The following CNTNAP5 variants were observed in gnomAD, a reference collection of about 807,000 sequenced individuals.
The protein encoded by CNTNAP5 is contactin associated protein family member 5.
A neutral mutation model predicts 150.2 loss-of-function variants in CNTNAP5; 72 were observed. That is an observed-to-expected ratio of 0.48 (90% CI 0.40 to 0.58). The LOEUF (loss-of-function observed/expected upper bound fraction) is 0.58. Among genes scored for constraint, CNTNAP5 ranks in the 20% least tolerant of loss-of-function variants. CNTNAP5 has a pLI of 0.00. For missense variants in CNTNAP5, 1,636 were observed against 1,626.2 expected, an observed-to-expected ratio of 1.01 and a Z score of -0.10; for synonymous variants, 672 against 619.8, an observed-to-expected ratio of 1.08 and a Z score of -1.25.
At chr2:124,070,365 C>T (rs532156368) in intron 1 of CNTNAP5, among the ~76,000 whole-genome samples, 3 of 125,474 alleles carry the variant, frequency 2.4e-5, no homozygotes, top group East Asian at 2.4e-4. Context: ...ACTAAACTCT[C>T]CAATAAAGAG....
chr2:124,909,420 T>C (rs1199857445), intron 22 of CNTNAP5, among the ~76,000 whole-genome samples: 1 of 152,162 alleles, frequency 6.6e-6, no homozygotes, highest in Non-Finnish European at 1.5e-5. Context: ...GAGCACACTC[T>C]ATGATTTCCA....
chr2:124,820,035 A>T (rs182825680), intron 19 of CNTNAP5, among the ~76,000 whole-genome samples: 2 of 152,264 alleles, frequency 1.3e-5, no homozygotes, highest in East Asian at 3.9e-4. Context: ...AAGGGAGAAG[A>T]TTCTCTCCCT....
chr2:124,732,127 G>C (rs905957852), intron 13 of CNTNAP5, among the ~76,000 whole-genome samples: 1 of 152,026 alleles, frequency 6.6e-6, no homozygotes, highest in Admixed American at 6.6e-5. Flanking sequence ...GCTTTTTTGA[G>C]TGCACTGCTG....
intron 21 of CNTNAP5, among the ~76,000 whole-genome samples, chr2:124,871,281 C>CTTACTTATTTATTTATTTATTTATTTAT (rs1462116273): frequency 1.3e-5 from 2 of 151,194 alleles, no homozygotes; most frequent in African/African-American, 4.9e-5. Context: ...TATTTACTTA[C>CTTACTTATTTATTTATTTATTTATTTAT]TTATTTATTT....
chr2:124,771,609 G>A (rs987728253), intron 16 of CNTNAP5, among the ~76,000 whole-genome samples: 3 of 152,078 alleles, frequency 2.0e-5, no homozygotes, highest in Non-Finnish European at 4.4e-5. Flanking sequence ...CTGGCATAGA[G>A]TTTGTTGTTC....
At chr2:124,536,625 C>T (rs1473347945) in intron 10 of CNTNAP5, among the ~76,000 whole-genome samples, 4 of 152,208 alleles carry the variant, frequency 2.6e-5, no homozygotes, top group African/African-American at 9.6e-5. Flanking sequence ...TTTCTGATTC[C>T]TCAGTATATA....
chr2:124,469,736 C>T (rs992787919), intron 6 of CNTNAP5, among the ~76,000 whole-genome samples: 1 of 152,100 alleles, frequency 6.6e-6, no homozygotes, highest in Non-Finnish European at 1.5e-5. Context: ...TCCTCCCAAC[C>T]TTCCACAGGC....
chr2:124,292,201 C>T (rs1242429486), intron 3 of CNTNAP5, among the ~76,000 whole-genome samples: 4 of 151,482 alleles, frequency 2.6e-5, no homozygotes, highest in Admixed American at 2.6e-4. Context: ...TTTTTTATTC[C>T]CATTCAATAT....
At chr2:124,453,190 T>A (rs945738439) in intron 6 of CNTNAP5, among the ~76,000 whole-genome samples, 7 of 151,484 alleles carry the variant, frequency 4.6e-5, no homozygotes, top group African/African-American at 1.7e-4. Flanking sequence ...TAAAAAACAA[T>A]CAAAACTTTA....
chr2:124,385,179 G>A (rs1946553), intron 3 of CNTNAP5, among the ~76,000 whole-genome samples: 45,575 of 152,076 alleles, frequency 0.3, 8,174 homozygotes, highest in South Asian at 0.52. Context: ...GGAAAGTTTA[G>A]CATGAAAATC....
intron 12 of CNTNAP5, among the ~76,000 whole-genome samples, chr2:124,615,703 G>T (rs1187547862): frequency 6.6e-6 from 1 of 152,200 alleles, no homozygotes; most frequent in African/African-American, 2.4e-5. Context: ...ATGCTTTCCA[G>T]AAGGTCTTCA....
chr2:124,786,399 G>GAAAGAAGGAAGGAAGGAAGGAAGGA (rs1558775105), intron 17 of CNTNAP5, among the ~76,000 whole-genome samples: 4 of 69,744 alleles, frequency 5.7e-5, no homozygotes, highest in African/African-American at 2.9e-4. Flanking sequence ...AAGAAAGAAA[G>GAAAGAAGGAAGGAAGGAAGGAAGGA]AAGGAAGGAA....
chr2:124,813,993 G>A (rs1682294767), intron 19 of CNTNAP5, among the ~76,000 whole-genome samples: 1 of 151,904 alleles, frequency 6.6e-6, no homozygotes, highest in African/African-American at 2.4e-5. Flanking sequence ...TCTGACCAGG[G>A]TGATCTTTTA....
intron 18 of CNTNAP5, 23 bp from the exon 19 acceptor site, chr2:124,798,073 C>T (rs1043732195): frequency 2.6e-6 from 4 of 1,557,500 alleles, no homozygotes; most frequent in Non-Finnish European, 3.5e-6. Context: ...TCAATGTGTG[C>T]TCTCCCCTCT....
In CNTNAP5 at chr2:124,571,851, G is replaced by A. The variant is rs529170655; in HGVS notation, c.1756+8528G>A. On this transcript the variant is annotated intron_variant, in intron 11 of 23. Transcript: ENST00000682447. ...TCATAATGATTGGTAATTGTTAAAC[G>A]ACTGGATAGATGTTTAGGGAGAAGA... is the stretch of plus-strand genomic sequence containing the variant. Among the ~76,000 whole-genome samples the A allele has an allele frequency of 5.3e-5, 8 of 151,898 alleles. No individual in the cohort carries two copies. The East Asian group carries it at 1.6e-3, about 29-fold the overall frequency.
At position 124,798,076 on chromosome 2, in the gene CNTNAP5, TC is replaced by T. The variant is rs763986630; in HGVS notation, c.2993-16del. 1.3e-6 allele frequency: 2 copies of T among 1,571,306 alleles called. No homozygotes were observed. Among genetic ancestry groups the T allele is most frequent in the Admixed American group, 3.6e-5 (2 of 55,346 alleles). ...GATCTAAAGGTTTCAATGTGTGCTCTCCCCTCTTATATTTTGCAGAGGTTTC... is the reference window on the plus strand; with the variant it reads ...GATCTAAAGGTTTCAATGTGTGCTCTCCCTCTTATATTTTGCAGAGGTTTC... On this transcript the variant is annotated intron_variant, in intron 18 of 23. Coordinates refer to ENST00000682447, the MANE Select transcript of CNTNAP5 (RefSeq NM_001367498.1).
At chr2:124,619,178 T>C (rs1402749765) in intron 12 of CNTNAP5, among the ~76,000 whole-genome samples, 1 of 152,144 alleles carries the variant, frequency 6.6e-6, no homozygotes, top group Non-Finnish European at 1.5e-5. Context: ...TGATCATCCT[T>C]TGCTGCACCA....
chr2:124,630,036 A>T (rs1677817251), intron 12 of CNTNAP5, among the ~76,000 whole-genome samples: 1 of 151,892 alleles, frequency 6.6e-6, no homozygotes, highest in African/African-American at 2.4e-5. Context: ...TAAATTCCTG[A>T]ATAGACCAAT....
chr2:124,858,961 G>A (rs1677446372), intron 19 of CNTNAP5, among the ~76,000 whole-genome samples: 1 of 152,046 alleles, frequency 6.6e-6, no homozygotes, highest in Non-Finnish European at 1.5e-5. Context: ...AACCCTAGAA[G>A]AAAACCGAGG....
Sources: gnomAD v4.1 joint callset for allele counts (sites outside exome capture counted in the v4.1 genomes callset) on GRCh38, gnomAD v4.1.1 for gene constraint, MANE v1.5 for transcripts, NCBI Gene and HGNC (gene_info 2026-07-23, HGNC 2026-07-21) for gene names.